The following TENM2 variants were observed in gnomAD, a reference collection of about 807,000 sequenced individuals.
TENM2 encodes teneurin-2.
A neutral mutation model predicts 245.2 loss-of-function variants in TENM2; 52 were observed. That is an observed-to-expected ratio of 0.21 (90% CI 0.17 to 0.27). The LOEUF (loss-of-function observed/expected upper bound fraction) is 0.27, where lower values mean the gene tolerates loss of function less well. Ranked by LOEUF, TENM2 falls within the 10% of genes least tolerant of loss-of-function variation. TENM2 has a pLI of 1.00. For missense variants in TENM2, 3,046 were observed against 3,666.8 expected (o/e 0.83, Z 4.37); for synonymous variants, 1,363 against 1,438.9 (o/e 0.95, Z 1.19).
At chr5:167,763,402 G>T (rs1762803511) in intron 2 of TENM2, among the ~76,000 whole-genome samples, 1 of 152,102 alleles carries the variant, frequency 6.6e-6, no homozygotes, top group African/African-American at 2.4e-5. Flanking sequence ...GCAGCCTCAA[G>T]CTCCCAAGCA....
intron 3 of TENM2, among the ~76,000 whole-genome samples, chr5:167,930,548 C>T (rs924100404): frequency 5.3e-5 from 8 of 151,998 alleles, no homozygotes; most frequent in Non-Finnish European, 1.0e-4. Context: ...GACCATAGCT[C>T]ACTGTAGCCT....
intron 2 of TENM2, among the ~76,000 whole-genome samples, chr5:167,635,698 G>A (rs1293273166): frequency 1.5e-5 from 2 of 132,452 alleles, no homozygotes; most frequent in Non-Finnish European, 3.1e-5. Context: ...AGGATGGAGT[G>A]CAATGGCGCT....
chr5:167,347,601 G>C (rs1042975317), intron 1 of TENM2, among the ~76,000 whole-genome samples: 1 of 152,056 alleles, frequency 6.6e-6, no homozygotes, highest in Non-Finnish European at 1.5e-5. Context: ...GGGGTACAAA[G>C]AAATGGTAAA....
chr5:167,713,961 C>T (rs1311719845), intron 2 of TENM2, among the ~76,000 whole-genome samples: 1 of 152,182 alleles, frequency 6.6e-6, no homozygotes. Context: ...TTCCACAAGA[C>T]CATTGAACAG....
Position 167,431,961 on chromosome 5 carries a change from G to GTGTATATATATA in TENM2, c.502+56489_502+56490insGTATATATATAT, listed in dbSNP as rs982005904. 9.4e-4 allele frequency among the ~76,000 whole-genome samples: 41 copies of GTGTATATATATA among 43,602 alleles called. 1 individual carries two copies. The highest frequency in any genetic ancestry group is 2.8e-3 in the Admixed American group (8 of 2,830). 28.6% of individuals were successfully genotyped at this position (43,602 alleles called of 152,430 possible). ...TATACATATATATGTATATATATAT[G>GTGTATATATATA]TATATATATATATATATGGAAGTTC... On this transcript the variant is annotated intron_variant, in intron 2 of 28. Transcript: ENST00000518659.
the TENM2 span, among the ~76,000 whole-genome samples, chr5:166,983,008 T>C: frequency 6.6e-6 from 1 of 152,228 alleles, no homozygotes; most frequent in South Asian, 2.1e-4. Context: ...AAAGAGGGAA[T>C]GTTCACATTG....
chr5:167,640,860 C>CACAT (rs1779524575), intron 2 of TENM2, among the ~76,000 whole-genome samples: 1 of 47,386 alleles, frequency 2.1e-5, no homozygotes, highest in Non-Finnish European at 6.4e-5. Flanking sequence ...TATATATATC[C>CACAT]ATATATATAT....
chr5:168,262,620 A>G (rs1768312293), exon 29 of TENM2: 9 of 1,592,892 alleles, frequency 5.7e-6, no homozygotes, highest in Non-Finnish European at 7.7e-6. Flanking sequence ...GCCAAGGAGC[A>G]GCAGAAAGCC....
intron 2 of TENM2, among the ~76,000 whole-genome samples, chr5:167,751,512 A>G (rs997477948): frequency 1.3e-5 from 2 of 152,180 alleles, no homozygotes; most frequent in East Asian, 1.9e-4. Context: ...TGATAGTGCC[A>G]TGAGAATTAA....
At chr5:168,140,162 G>C (rs1475885666) in intron 12 of TENM2, among the ~76,000 whole-genome samples, 1 of 152,172 alleles carries the variant, frequency 6.6e-6, no homozygotes, top group Non-Finnish European at 1.5e-5. Flanking sequence ...TGATACAATG[G>C]TGATACTTTG....
At chr5:168,140,059 C>T (rs1755402838) in intron 12 of TENM2, among the ~76,000 whole-genome samples, 1 of 152,192 alleles carries the variant, frequency 6.6e-6, no homozygotes, top group Non-Finnish European at 1.5e-5. Context: ...GCATCATTTG[C>T]CTGGATTGAG....
chr5:167,191,337 TTG>T, the TENM2 span, among the ~76,000 whole-genome samples: 1 of 152,068 alleles, frequency 6.6e-6, no homozygotes, highest in Admixed American at 6.6e-5. Flanking sequence ...GATAGATTGG[TTG>T]ACTGCAACTT....
the TENM2 span, among the ~76,000 whole-genome samples, chr5:167,001,499 A>G: frequency 1.3e-5 from 2 of 151,960 alleles, no homozygotes; most frequent in African/African-American, 2.4e-5. Context: ...ATTATACTCC[A>G]TTGCATGAAA....
At chr5:167,010,105 G>C in the TENM2 span, among the ~76,000 whole-genome samples, 1 of 152,164 alleles carries the variant, frequency 6.6e-6, no homozygotes, top group East Asian at 1.9e-4. Flanking sequence ...GGAAAGGCTG[G>C]GCGTGGTGGC....
the TENM2 span, among the ~76,000 whole-genome samples, chr5:167,244,131 T>C: frequency 1.3e-5 from 2 of 152,318 alleles, no homozygotes; most frequent in African/African-American, 4.8e-5. Flanking sequence ...GTACCTTGTT[T>C]AGCCAAGAAC....
chr5:168,219,797 TAGTTA>T (rs1562296631), intron 23 of TENM2, among the ~76,000 whole-genome samples: 1 of 121,618 alleles, frequency 8.2e-6, no homozygotes, highest in South Asian at 2.5e-4. Flanking sequence ...GCTCAGAATG[TAGTTA>T]AGTTAGGGAG....
At chr5:167,675,761 G>A (rs1229329532) in intron 2 of TENM2, among the ~76,000 whole-genome samples, 1 of 152,036 alleles carries the variant, frequency 6.6e-6, no homozygotes, top group Non-Finnish European at 1.5e-5. Context: ...ATGAGATCTG[G>A]TACACGTCCA....
chr5:167,173,240 G>A, the TENM2 span, among the ~76,000 whole-genome samples: 2 of 152,104 alleles, frequency 1.3e-5, no homozygotes, highest in South Asian at 2.1e-4. Flanking sequence ...GAAAACAATC[G>A]GCAAACCTGA....
chr5:167,422,857 G>T (rs1444678974), intron 2 of TENM2, among the ~76,000 whole-genome samples: 1 of 152,264 alleles, frequency 6.6e-6, no homozygotes, highest in Non-Finnish European at 1.5e-5. Flanking sequence ...TCAGCAGGAA[G>T]TCTAGAAAGA....
Sources: allele counts gnomAD v4.1 joint callset (sites outside exome capture counted in the v4.1 genomes callset), GRCh38; gene constraint gnomAD v4.1.1; transcripts MANE v1.5; gene names NCBI Gene and HGNC (gene_info 2026-07-23, HGNC 2026-07-21).